The following TNIK variants were observed in gnomAD, a reference collection of about 807,000 sequenced individuals.
TNIK encodes TRAF2 and NCK interacting kinase.
TNIK carries 49 observed loss-of-function variants against 191.3 expected under a neutral mutation model. The ratio of observed to expected loss-of-function variants is 0.26; its 90% CI spans 0.20 to 0.32. TNIK has a LOEUF of 0.32. Among genes scored for constraint, TNIK ranks in the 10% least tolerant of loss-of-function variants. TNIK has a pLI of 1.00. For synonymous variants in TNIK, 594 were observed against 600.9 expected, an observed-to-expected ratio of 0.99 and a Z score of 0.17; for missense variants, 1,155 against 1,702.3, an observed-to-expected ratio of 0.68 and a Z score of 5.66.
chr3:171,125,115 G>A (rs1176878841), intron 17 of TNIK, among the ~76,000 whole-genome samples: 2 of 152,164 alleles, frequency 1.3e-5, no homozygotes, highest in Non-Finnish European at 2.9e-5. Context: ...GGCATTTTCT[G>A]CAAATTGTGG....
At chr3:171,451,286 A>G (rs1396176988) in intron 1 of TNIK, among the ~76,000 whole-genome samples, 1 of 152,212 alleles carries the variant, frequency 6.6e-6, no homozygotes, top group Non-Finnish European at 1.5e-5. Context: ...CAATGGAGCC[A>G]CCTACGTGGG....
intron 27 of TNIK, among the ~76,000 whole-genome samples, chr3:171,080,810 G>C (rs1021244906): frequency 1.3e-5 from 2 of 152,176 alleles, no homozygotes; most frequent in Non-Finnish European, 2.9e-5. Context: ...TAAACTAAGG[G>C]AATCATTGTG....
chr3:171,258,455 T>G (rs1167512945), intron 2 of TNIK, among the ~76,000 whole-genome samples: 2 of 152,190 alleles, frequency 1.3e-5, no homozygotes, highest in Non-Finnish European at 2.9e-5. Context: ...TTCTTCTAGC[T>G]GTTTTCTAAT....
At chr3:171,336,805 A>G (rs1241084869) in intron 2 of TNIK, among the ~76,000 whole-genome samples, 1 of 152,198 alleles carries the variant, frequency 6.6e-6, no homozygotes, top group African/African-American at 2.4e-5. Context: ...TATCATGTTT[A>G]AGGTCAGCAA....
intron 29 of TNIK, 79 bp from the exon 30 acceptor site, chr3:171,069,076 A>C: frequency 6.8e-7 from 1 of 1,474,096 alleles, no homozygotes; most frequent in Non-Finnish European, 9.1e-7. Context: ...TGTCTAGAGG[A>C]AGTTAACTTC....
chr3:171,081,374 T>C lies in TNIK; in HGVS notation c.3313+877A>G, dbSNP rs1466871117. ...CCTGTGTTGTCTCTTCGTGAAACAA[T>C]GGCTGAGCATAAATCCATGTTCTCA... On this transcript the variant is annotated intron_variant, in intron 27 of 32. Transcript: ENST00000436636. 2.6e-5 allele frequency among the ~76,000 whole-genome samples: 4 copies of C among 151,686 alleles called. No individual in the cohort carries two copies. The East Asian group carries it at 7.7e-4, about 29-fold the overall frequency.
In TNIK at chr3:171,085,210, G is replaced by GTGCTGCTCC; in HGVS notation, c.2897_2905dup (p.Ser968_Thr969insArgSerSer). ...CACAAAGGGGGTGAAGGAGGCTTTGGTGCTGCTCCCCATGCCATACTAATC... is the reference window on the plus strand; with the variant it reads ...CACAAAGGGGGTGAAGGAGGCTTTGGTGCTGCTCCTGCTGCTCCCCATGCCATACTAATC... On this transcript the variant is annotated inframe_insertion, in exon 25 of 33. Transcript: ENST00000436636. 1 of 1,610,412 alleles carries GTGCTGCTCC rather than the reference G, an allele frequency of 6.2e-7. No homozygotes were observed. Among genetic ancestry groups the GTGCTGCTCC allele is most frequent in the Non-Finnish European group, 8.5e-7 (1 of 1,178,344 alleles).
intron 12 of TNIK, 34 bp downstream of exon 12, chr3:171,157,426 C>T: frequency 1.3e-6 from 2 of 1,548,884 alleles, no homozygotes. Flanking sequence ...AACTGAGAGG[C>T]TTGGGGTCAG....
At chr3:171,168,237 T>C (rs1350368141) in intron 9 of TNIK, among the ~76,000 whole-genome samples, 1 of 152,228 alleles carries the variant, frequency 6.6e-6, no homozygotes, top group Non-Finnish European at 1.5e-5. Context: ...TATGACTCTA[T>C]AGCATGCTTT....
At chr3:171,108,997 C>A (rs747391280) in intron 19 of TNIK, among the ~76,000 whole-genome samples, 6 of 152,126 alleles carry the variant, frequency 3.9e-5, no homozygotes, top group African/African-American at 7.2e-5. Context: ...ACCAGGGATA[C>A]AACAGCCCTT....
intron 1 of TNIK, among the ~76,000 whole-genome samples, chr3:171,410,984 A>G (rs1182586452): frequency 2.6e-5 from 4 of 152,066 alleles, no homozygotes; most frequent in African/African-American, 9.7e-5. Flanking sequence ...TCTGCATCAC[A>G]AACAGGGCTA....
At chr3:171,356,746 A>G (rs1465141032) in intron 2 of TNIK, among the ~76,000 whole-genome samples, 3 of 152,218 alleles carry the variant, frequency 2.0e-5, no homozygotes, top group Admixed American at 2.0e-4. Flanking sequence ...CTTCAAGGGA[A>G]GACATTTATA....
intron 2 of TNIK, among the ~76,000 whole-genome samples, chr3:171,349,839 T>C (rs1237522768): frequency 6.6e-6 from 1 of 152,210 alleles, no homozygotes; most frequent in African/African-American, 2.4e-5. Context: ...GCCAATGGTA[T>C]CCAGGATCTT....
At chr3:171,445,809 A>G (rs997285027) in intron 1 of TNIK, among the ~76,000 whole-genome samples, 10 of 152,210 alleles carry the variant, frequency 6.6e-5, no homozygotes, top group Non-Finnish European at 1.5e-4. Flanking sequence ...TCAGATGGAC[A>G]TTACTAAACC....
chr3:171,372,327 C>T (rs569870158), intron 1 of TNIK, among the ~76,000 whole-genome samples: 2 of 152,344 alleles, frequency 1.3e-5, no homozygotes, highest in South Asian at 2.1e-4. Flanking sequence ...CTACTGGCAA[C>T]TGGCCTTGCA....
chr3:171,305,735 T>C (rs907947228), intron 2 of TNIK, among the ~76,000 whole-genome samples: 9 of 152,160 alleles, frequency 5.9e-5, no homozygotes, highest in Non-Finnish European at 1.3e-4. Context: ...TGAGGTTGCA[T>C]GGAAAAGGCA....
At chr3:171,279,957 A>G (rs907131805) in intron 2 of TNIK, among the ~76,000 whole-genome samples, 1 of 152,176 alleles carries the variant, frequency 6.6e-6, no homozygotes, top group Non-Finnish European at 1.5e-5. Flanking sequence ...TAGTTCATGC[A>G]CCATAAAGAA....
chr3:171,256,607 T>G (rs1746912659), intron 2 of TNIK, among the ~76,000 whole-genome samples: 1 of 152,264 alleles, frequency 6.6e-6, no homozygotes, highest in South Asian at 2.1e-4. Flanking sequence ...GCCAATTTCC[T>G]CTAAGCTTCA....
chr3:171,389,301 T>C (rs1250856335), intron 1 of TNIK, among the ~76,000 whole-genome samples: 1 of 152,172 alleles, frequency 6.6e-6, no homozygotes, highest in Non-Finnish European at 1.5e-5. Context: ...GCTAACACTA[T>C]TACTTAGAAA....
Sources: gnomAD v4.1 joint callset for allele counts (sites outside exome capture counted in the v4.1 genomes callset) on GRCh38, gnomAD v4.1.1 for gene constraint, MANE v1.5 for transcripts, NCBI Gene and HGNC (gene_info 2026-07-23, HGNC 2026-07-21) for gene names.